Variants in JUP observed in about 807,000 individuals in gnomAD.
JUP encodes junction plakoglobin.
In JUP, 28 loss-of-function variants were observed where a neutral mutation model predicts 71.1. That is an observed-to-expected ratio of 0.39 (90% confidence interval 0.29 to 0.54). JUP has a LOEUF of 0.54. Ranked by LOEUF, JUP falls within the 20% of genes least tolerant of loss-of-function variation. The probability of loss-of-function intolerance (pLI) is 0.62; values close to 1 mark genes in which losing one functional copy is unlikely to be tolerated. For missense variants in JUP, 869 were observed against 1,030.1 expected (o/e 0.84, Z 2.14); for synonymous variants, 401 against 438.9 (o/e 0.91, Z 1.08).
At chr17:41,757,258 A>C (rs561265503) in intron 12 of JUP, among the ~76,000 whole-genome samples, 157 bp downstream of exon 12, 2 of 152,250 alleles carry the variant, frequency 1.3e-5, no homozygotes, top group African/African-American at 4.8e-5. Context: ...ATATGATTCA[A>C]CCCACTACTT....
intron 1 of JUP, among the ~76,000 whole-genome samples, chr17:41,777,285 G>A (rs2046931545): frequency 6.6e-6 from 1 of 152,136 alleles, no homozygotes; most frequent in African/African-American, 2.4e-5. Context: ...GCACAGCCAG[G>A]CGTGAACATT....
At position 41,769,390 on chromosome 17, in the gene JUP, C is replaced by T. The variant is rs1555605588; in HGVS notation, c.468+28G>A. 3 of 1,600,260 alleles carry T rather than the reference C, an allele frequency of 1.9e-6. No homozygotes were observed. The African/African-American group carries it at 4.0e-5, about 21-fold the overall frequency. On this transcript the variant is annotated intron_variant, in intron 3 of 13. Transcript: ENST00000393931. ...CTGCTCTCTCCCCTCCCTGCCCAGC[C>T]CCCACCCTAGCAGGGACCCTCACAG...
At chr17:41,768,740 A>T (rs1270914856) in intron 4 of JUP, among the ~76,000 whole-genome samples, 1 of 152,206 alleles carries the variant, frequency 6.6e-6, no homozygotes, top group Non-Finnish European at 1.5e-5. Flanking sequence ...ACCTTTGAGC[A>T]ATCTCAATGC....
In JUP at chr17:41,763,344, G is replaced by C. The variant is rs1555602510; in HGVS notation, c.1159-23C>G. 7 of 1,579,198 alleles carry C rather than the reference G, an allele frequency of 4.4e-6. No individual in the cohort carries two copies. In the Admixed American group the frequency reaches 5.0e-5, roughly 11 times the overall value. ...CTCCTGGAGGGCAAGGAAGGGACGG[G>C]GGAGTCAGGGAGCAGCCAACTCCAG... On this transcript the variant is annotated intron_variant, in intron 7 of 13. Transcript: ENST00000393931.
intron 1 of JUP, among the ~76,000 whole-genome samples, chr17:41,773,593 C>T (rs530983000): frequency 1.0e-3 from 157 of 152,314 alleles, no homozygotes; most frequent in Middle Eastern, 3.4e-3. Flanking sequence ...AGGAGCCCCC[C>T]CAACCAGCCC....
intron 1 of JUP, among the ~76,000 whole-genome samples, chr17:41,773,775 A>G (rs185838949): frequency 2.8e-4 from 43 of 152,250 alleles, no homozygotes; most frequent in African/African-American, 1.0e-3. Context: ...GCCTTCCCCA[A>G]CCATTTCCCT....
chr17:41,757,144 CG>C (rs1207831317), intron 12 of JUP, among the ~76,000 whole-genome samples: 1 of 152,142 alleles, frequency 6.6e-6, no homozygotes, highest in African/African-American at 2.4e-5. Flanking sequence ...TGGAAAAGAC[CG>C]CCCATAGCCT....
chr17:41,764,842 A>G, intron 6 of JUP, 26 bp from the exon 7 acceptor site: 1 of 1,613,576 alleles, frequency 6.2e-7, no homozygotes, highest in Non-Finnish European at 8.5e-7. Context: ...GGGTGCCATC[A>G]GCCACGGGGA....
intron 1 of JUP, among the ~76,000 whole-genome samples, chr17:41,783,188 T>A (rs2047257357): frequency 6.6e-6 from 1 of 152,054 alleles, no homozygotes; most frequent in South Asian, 2.1e-4. Flanking sequence ...AACGTCAGTC[T>A]TGGTGCTGCT....
chr17:41,775,676 A>G (rs2046847552), intron 1 of JUP, among the ~76,000 whole-genome samples: 1 of 152,178 alleles, frequency 6.6e-6, no homozygotes. Context: ...CTTTGTTTAG[A>G]GCGTGCTCTA....
chr17:41,756,251 A>G, intron 12 of JUP, 37 bp from the exon 13 acceptor site: 1 of 1,604,354 alleles, frequency 6.2e-7, no homozygotes, highest in Non-Finnish European at 8.5e-7. Flanking sequence ...GGGAGGTTTG[A>G]AAATGCAGGC....
chr17:41,777,864 C>A (rs1427982992), intron 1 of JUP, among the ~76,000 whole-genome samples: 1 of 152,220 alleles, frequency 6.6e-6, no homozygotes, highest in Admixed American at 6.5e-5. Context: ...GACCTCTATG[C>A]TCCCCTGGAG....
intron 2 of JUP, among the ~76,000 whole-genome samples, chr17:41,770,099 C>G (rs1916419761): frequency 6.6e-6 from 1 of 152,134 alleles, no homozygotes; most frequent in Admixed American, 6.5e-5. Flanking sequence ...CTACTCTATT[C>G]TCCTCCCTTA....
chr17:41,763,072 C>T lies in JUP; in HGVS notation c.1408G>A (p.Glu470Lys), dbSNP rs1555602080. 10 of 1,614,038 alleles carry T rather than the reference C, an allele frequency of 6.2e-6. No homozygotes were observed. Among genetic ancestry groups the T allele is most frequent in the South Asian group, 1.1e-5 (1 of 91,086 alleles). The change falls in exon 8 of 14, where the codon GAG (glutamate) becomes AAG (lysine). Residue 470 changes from glutamate (E) to lysine (K), a missense_variant. Coordinates refer to ENST00000393931, the MANE Select transcript of JUP (RefSeq NM_002230.4). ...AGACGCACAGAGTTCTGGGCCATCT[C>T]GGCCTCAGGGTGGCGGCTAGTGAGG... is the stretch of plus-strand genomic sequence containing the variant. ...RHLTSRHPEA[E>K]MAQNSVRLNY...
chr17:41,762,513 C>A (rs1055905640), intron 8 of JUP, among the ~76,000 whole-genome samples: 1 of 152,094 alleles, frequency 6.6e-6, no homozygotes, highest in Non-Finnish European at 1.5e-5. Context: ...ACCTGAGCCT[C>A]CCCTCCCCAG....
chr17:41,773,306 G>C (rs1374903862), intron 1 of JUP, among the ~76,000 whole-genome samples: 1 of 152,188 alleles, frequency 6.6e-6, no homozygotes, highest in African/African-American at 2.4e-5. Context: ...CCCCAGTGCC[G>C]CCCTGGCCCT....
chr17:41,765,703 A>G (rs1915610983), intron 5 of JUP, among the ~76,000 whole-genome samples: 1 of 152,210 alleles, frequency 6.6e-6, no homozygotes, highest in South Asian at 2.1e-4. Context: ...TGAAAAAAGG[A>G]TAATACCCAG....
intron 1 of JUP, among the ~76,000 whole-genome samples, chr17:41,782,171 C>T (rs1185730208): frequency 6.6e-6 from 1 of 152,184 alleles, no homozygotes; most frequent in East Asian, 1.9e-4. Context: ...TTGGCAGAGA[C>T]ACCAGAACCA....
chr17:41,784,923 T>G (rs374525667), intron 1 of JUP: 5 of 152,090 alleles, frequency 3.3e-5, no homozygotes, highest in African/African-American at 1.2e-4. Context: ...ATTTCAGATT[T>G]TTTTTTTAAA....
Sources: allele counts gnomAD v4.1 joint callset (sites outside exome capture counted in the v4.1 genomes callset), GRCh38; gene constraint gnomAD v4.1.1; transcripts MANE v1.5; gene names NCBI Gene and HGNC (gene_info 2026-07-23, HGNC 2026-07-21).